ASCC3: variants seen among roughly 807,000 people sequenced by gnomAD.
ASCC3 encodes ASC-1 complex subunit P200.
ASCC3 carries 158 observed loss-of-function variants against 256.3 expected under a neutral mutation model. The observed-to-expected ratio is 0.62, with a 90% CI of 0.54 to 0.70. ASCC3 has a LOEUF of 0.70. Among genes scored for constraint, ASCC3 ranks in the 30% least tolerant of loss-of-function variants. ASCC3 has a pLI of 0.00. For missense variants in ASCC3, 2,259 were observed against 2,626.0 expected, an observed-to-expected ratio of 0.86 and a Z score of 3.05; for synonymous variants, 948 against 883.4, an observed-to-expected ratio of 1.07 and a Z score of -1.30.
intron 16 of ASCC3, among the ~76,000 whole-genome samples, chr6:100,659,620 G>A (rs180743514): frequency 6.6e-6 from 1 of 151,044 alleles, no homozygotes; most frequent in East Asian, 1.9e-4. Flanking sequence ...AATTTCTCAG[G>A]GCTTGATCAA....
At chr6:100,634,611 A>G (rs1774735538) in intron 25 of ASCC3, among the ~76,000 whole-genome samples, 1 of 152,186 alleles carries the variant, frequency 6.6e-6, no homozygotes, top group East Asian at 1.9e-4. Context: ...TCCAAAAGAA[A>G]ACACACAAAT....
intron 30 of ASCC3, among the ~76,000 whole-genome samples, chr6:100,616,395 TAC>T (rs751689397): frequency 6.6e-6 from 1 of 152,236 alleles, no homozygotes; most frequent in Non-Finnish European, 1.5e-5. Context: ...GCACCTGCAT[TAC>T]AGTTTTCATA....
chr6:100,539,248 A>C (rs934719235), intron 37 of ASCC3, among the ~76,000 whole-genome samples: 3 of 152,186 alleles, frequency 2.0e-5, no homozygotes, highest in Admixed American at 6.5e-5. Flanking sequence ...TATTGCAACT[A>C]ATCTTCAAGA....
In ASCC3 at chr6:100,646,740, G is replaced by A. The variant is rs1376307280; in HGVS notation, c.3508C>T (p.Leu1170=). ...GHILHHVNIG[L]KVKQCVHQIP... is the part of the protein sequence containing the mutation. ...TGATGAACACATTGTTTGACCTTCAGTCCAATATTCACATGATGTAAAATG... is the reference window on the plus strand; with the variant it reads ...TGATGAACACATTGTTTGACCTTCAATCCAATATTCACATGATGTAAAATG... The change falls in exon 22 of 42, where the codon CTG becomes TTG. Residue 1170 remains leucine, a synonymous_variant. Coordinates refer to ENST00000369162, the MANE Select transcript of ASCC3 (RefSeq NM_006828.4). 2 of 1,613,850 alleles carry A rather than the reference G, an allele frequency of 1.2e-6. No individual in the cohort carries two copies. Among genetic ancestry groups the A allele is most frequent in the African/African-American group, 1.3e-5 (1 of 74,984 alleles).
chr6:100,814,069 T>C (rs1770620913), intron 4 of ASCC3, among the ~76,000 whole-genome samples: 1 of 152,192 alleles, frequency 6.6e-6, no homozygotes, highest in South Asian at 2.1e-4. Context: ...TGATCTTGGC[T>C]GTGGATTTGT....
At position 100,848,434 on chromosome 6, in the gene ASCC3, T is replaced by C. The variant is rs1772493383; in HGVS notation, c.515A>G (p.Asp172Gly). 4 of 1,611,854 alleles carry C rather than the reference T, an allele frequency of 2.5e-6. No individual in the cohort carries two copies. In the African/African-American group the frequency reaches 5.3e-5, roughly 22 times the overall value. The stretch of plus-strand genomic sequence containing the variant: ...GTCAAAGTGGTCCAAATCATGCATG[T>C]CAAATGAAAATGCTAAATTTTTACC... Reference protein sequence around the residue: ...FFGKNLAFSFDMHDLDHFDEL... With the variant: ...FFGKNLAFSFGMHDLDHFDEL... The change falls in exon 4 of 42, where the codon GAC (aspartate) becomes GGC (glycine). Residue 172 changes from aspartate to glycine, a missense_variant. Asp to Gly is a moderately conservative substitution (Grantham distance 94). Transcript: ENST00000369162.
rs985153664 is a variant in ASCC3, at chr6:100,561,170, T to C, written c.5551-20783A>G. 5.3e-5 allele frequency among the ~76,000 whole-genome samples: 8 copies of C among 151,670 alleles called. No individual in the cohort carries two copies. In the East Asian group the frequency reaches 5.8e-4, roughly 11 times the overall value. On this transcript the variant is annotated intron_variant, in intron 36 of 41. Transcript: ENST00000369162. The stretch of plus-strand genomic sequence containing the variant: ...ATTGCTTGGTCTACAAATAGCAAAA[T>C]TGTATTTAACAGGACTCTATCAGCT...
intron 23 of ASCC3, among the ~76,000 whole-genome samples, chr6:100,643,582 C>T (rs1271947613): frequency 1.3e-5 from 2 of 152,110 alleles, no homozygotes; most frequent in Non-Finnish European, 2.9e-5. Flanking sequence ...GGTATAGCCT[C>T]CTAAATATCT....
intron 36 of ASCC3, among the ~76,000 whole-genome samples, chr6:100,561,469 A>G (rs556046318): frequency 2.0e-5 from 3 of 152,156 alleles, no homozygotes; most frequent in South Asian, 2.1e-4. Context: ...AAAAAAAAAC[A>G]AAACCCTGCT....
At chr6:100,530,349 A>C in intron 37 of ASCC3, 2 of 1,377,936 alleles carry the variant, frequency 1.5e-6, no homozygotes, top group Non-Finnish European at 2.1e-6. Context: ...AGTGAAAAAA[A>C]CCGCAGTAAG....
intron 30 of ASCC3, among the ~76,000 whole-genome samples, chr6:100,609,826 C>T (rs2114822513): frequency 6.6e-6 from 1 of 152,196 alleles, no homozygotes; most frequent in East Asian, 1.9e-4. Context: ...AGGAGAATCG[C>T]CTGAACCCGG....
intron 11 of ASCC3, among the ~76,000 whole-genome samples, chr6:100,725,210 A>G (rs763087867): frequency 1.3e-5 from 2 of 152,010 alleles, no homozygotes; most frequent in Non-Finnish European, 2.9e-5. Context: ...TATTTTCTAT[A>G]TATGTACAAT....
chr6:100,610,013 C>T (rs905319517), intron 30 of ASCC3, among the ~76,000 whole-genome samples: 6 of 152,170 alleles, frequency 3.9e-5, no homozygotes, highest in South Asian at 2.1e-4. Flanking sequence ...AAGTTCTTTC[C>T]GGGAAACTCC....
chr6:100,750,352 T>C (rs1345510018), intron 10 of ASCC3, among the ~76,000 whole-genome samples: 1 of 152,068 alleles, frequency 6.6e-6, no homozygotes, highest in Admixed American at 6.6e-5. Context: ...AATGCCCTTA[T>C]GTTTTTGTGG....
intron 25 of ASCC3, among the ~76,000 whole-genome samples, chr6:100,635,704 A>G (rs2114877003): frequency 6.6e-6 from 1 of 151,950 alleles, no homozygotes; most frequent in East Asian, 1.9e-4. Context: ...AATATACATA[A>G]TTTTTATTAA....
intron 37 of ASCC3, among the ~76,000 whole-genome samples, chr6:100,537,773 A>T (rs1436194715): frequency 6.6e-6 from 1 of 151,876 alleles, no homozygotes; most frequent in African/African-American, 2.4e-5. Flanking sequence ...ATCTACAATG[A>T]AGCATACTAT....
chr6:100,638,636 T>C lies in ASCC3; in HGVS notation c.4087A>G (p.Ile1363Val). The change falls in exon 25 of 42, where the codon ATT becomes GTT. Residue 1363 changes from isoleucine to valine, a missense_variant. This residue lies in a region of ASCC3 where 1,839 missense variants were observed against 2,206.7 expected (regional missense o/e 0.83). Transcript: ENST00000369162. ...GGGTATTTGTTGAAGACTCTGAAAA[T>C]GGCTAATTCAGCTGCAACAGTCTTT... ...SGKTVAAELA[I>V]FRVFNKYPTS... The C allele has an allele frequency of 6.2e-7, 1 of 1,613,928 alleles. No homozygotes were observed. The highest frequency in any genetic ancestry group is 1.1e-5 in the South Asian group (1 of 91,074).
intron 37 of ASCC3, among the ~76,000 whole-genome samples, chr6:100,521,333 AG>A (rs1309957583): frequency 6.6e-6 from 1 of 152,160 alleles, no homozygotes; most frequent in Admixed American, 6.5e-5. Context: ...TGATTTAATA[AG>A]AAAACAAAAG....
At chr6:100,766,293 A>C (rs1311480366) in intron 10 of ASCC3, among the ~76,000 whole-genome samples, 1 of 152,124 alleles carries the variant, frequency 6.6e-6, no homozygotes, top group East Asian at 1.9e-4. Context: ...CATCCCTACT[A>C]TTTTAAAAGA....
Sources: allele counts gnomAD v4.1 joint callset (sites outside exome capture counted in the v4.1 genomes callset), GRCh38; gene constraint gnomAD v4.1.1; regional missense constraint gnomAD v4.1.1; transcripts MANE v1.5; gene names NCBI Gene and HGNC (gene_info 2026-07-23, HGNC 2026-07-21).